The following NOTCH1 variants were observed in gnomAD, a reference collection of about 807,000 sequenced individuals.
NOTCH1 encodes the protein notch receptor 1, also known as neurogenic locus notch homolog protein 1.
In NOTCH1, 37 loss-of-function variants were observed where a neutral mutation model predicts 254.8. The ratio of observed to expected loss-of-function variants is 0.15; its 90% CI spans 0.11 to 0.19. NOTCH1 has a LOEUF of 0.19. Among genes scored for constraint, NOTCH1 ranks in the 10% least tolerant of loss-of-function variants. NOTCH1 has a pLI of 1.00. For synonymous variants in NOTCH1, 1,731 were observed against 1,618.1 expected, an observed-to-expected ratio of 1.07 and a Z score of -1.68; for missense variants, 2,972 against 3,708.6, an observed-to-expected ratio of 0.80 and a Z score of 5.16.
At chr9:136,509,144 G>A (rs981496767) in intron 18 of NOTCH1, 73 bp from the exon 19 acceptor site, 39 of 1,372,600 alleles carry the variant, frequency 2.8e-5, no homozygotes, top group Non-Finnish European at 3.8e-5. Flanking sequence ...ATTCTGCCTC[G>A]CCAGCACCTC....
rs2229970 is a variant in NOTCH1 at position 136,514,512 on chromosome 9, G to A, written c.2205C>T (p.Asn735=). 3.1e-3 allele frequency: 4,937 copies of A among 1,577,522 alleles called. 119 individuals are homozygous for A. In the African/African-American group the frequency reaches 0.058, roughly 18 times the overall value. Residue 735 remains asparagine (N), a splice_region_variant and synonymous_variant, in exon 13 of 34, where the codon AAC becomes AAT. Transcript: ENST00000651671. The part of the protein sequence containing the change: ...CVHGACRDSL[N]GYKCDCDPGW... ...CCATGATCGGCCCCGCCGCATACCC[G>A]TTGAGGCTGTCCCGGCAGGCCCCGT...
chr9:136,515,147 C>A (rs910600853), intron 12 of NOTCH1, 143 bp downstream of exon 12: 2 of 758,174 alleles, frequency 2.6e-6, no homozygotes, highest in Admixed American at 4.0e-5. Context: ...CCTGGTCCCG[C>A]TGCAATCTCT....
In NOTCH1 at chr9:136,513,449, C is replaced by T. The variant is rs768836936; in HGVS notation, c.2296G>A (p.Gly766Ser). 16 of 1,613,170 alleles carry T rather than the reference C, an allele frequency of 9.9e-6. No homozygotes were observed. Among genetic ancestry groups the T allele is most frequent in the South Asian group, 8.8e-5 (8 of 91,088 alleles). ...ECESNPCVNG[G>S]TCKDMTSGYV... is the part of the protein sequence containing the mutation. ...CCACTGGTCATGTCTTTGCAGGTGCCGCCGTTGACACAAGGGTTGGATTCA... is the reference window on the plus strand; with the variant it reads ...CCACTGGTCATGTCTTTGCAGGTGCTGCCGTTGACACAAGGGTTGGATTCA... The change falls in exon 14 of 34, where the codon GGC becomes AGC. Residue 766 changes from glycine (G) to serine (S), a missense_variant. Transcript: ENST00000651671. This position sits in a 1 kb window ranked among gnomAD's most constrained non-coding sequence, Gnocchi z 4.7.
chr9:136,514,201 G>A (rs978747105), intron 13 of NOTCH1, among the ~76,000 whole-genome samples: 2 of 152,196 alleles, frequency 1.3e-5, no homozygotes, highest in Non-Finnish European at 2.9e-5. Context: ...GTGCTGCCAG[G>A]CACATCATGG....
chr9:136,497,614 C>T, intron 33 of NOTCH1, 56 bp from the exon 34 acceptor site: 2 of 1,445,412 alleles, frequency 1.4e-6, no homozygotes, highest in Admixed American at 2.1e-5. Flanking sequence ...TGGGGACCCT[C>T]CCCAAGGTTC....
At chr9:136,520,780 C>A (rs1334595044) in intron 4 of NOTCH1, among the ~76,000 whole-genome samples, 1 of 152,034 alleles carries the variant, frequency 6.6e-6, no homozygotes. Context: ...CCCGGTCCCA[C>A]TCATGTGTGG....
At chr9:136,535,826 T>G (rs1589080162) in intron 2 of NOTCH1, among the ~76,000 whole-genome samples, 4 of 86,502 alleles carry the variant, frequency 4.6e-5, no homozygotes, top group African/African-American at 9.0e-5. Flanking sequence ...GGGTGCAGGG[T>G]GGGTGGAGGG....
Position 136,494,499 on chromosome 9 carries a change from ACAT to A in NOTCH1, c.*1569_*1571del, listed in dbSNP as rs1463356005. The A allele has an allele frequency of 2.5e-6, 1 of 398,946 alleles. No individual in the cohort carries two copies. Among genetic ancestry groups the A allele is most frequent in the Non-Finnish European group, 4.4e-6 (1 of 226,078 alleles). The allele number at this position is 398,946 out of a possible 1,614,324, so 24.7% of individuals were successfully genotyped here. A position where few individuals can be genotyped will look rare whatever the true frequency, so the allele number is the denominator to read the frequency against. ...AGTTAACAAAAAAGATGAAAAAAAT[ACAT>A]CATCTACAGTTCCTCATGTAGATCA... On this transcript the variant is annotated 3_prime_UTR_variant, in exon 34 of 34. Coordinates refer to ENST00000651671, the MANE Select transcript of NOTCH1 (RefSeq NM_017617.5).
chr9:136,525,474 G>A (rs1006579550), intron 2 of NOTCH1, among the ~76,000 whole-genome samples: 2 of 152,238 alleles, frequency 1.3e-5, no homozygotes, highest in Admixed American at 6.5e-5. Flanking sequence ...CAGCCTCAGC[G>A]GCCCCAGCGG....
rs1240954845 is a variant in NOTCH1, at chr9:136,509,773, C to T, written c.2929G>A (p.Gly977Arg). ...GGCGTGTTGTTCTCACAGTGGATCC[C>T]GCTGAAGCCTGCGGGGCAGGTGCAC... ...YTCTCPAGFS[G>R]IHCENNTPDC... The change falls in exon 18 of 34, where the codon GGG becomes AGG. Residue 977 changes from glycine to arginine, a missense_variant. Physicochemically the swap from Gly to Arg is moderately radical, Grantham distance 125 (BLOSUM62 -2). Around this residue, in one of 8 missense-constraint regions of NOTCH1, gnomAD observed 1,343 missense variants for 1,557.0 expected, o/e 0.86. Coordinates refer to ENST00000651671, the MANE Select transcript of NOTCH1 (RefSeq NM_017617.5). The T allele has an allele frequency of 2.5e-6, 4 of 1,613,100 alleles. No individual in the cohort carries two copies. The highest frequency in any genetic ancestry group is 1.1e-5 in the South Asian group (1 of 91,086).
chr9:136,510,272 GC>G (rs1402076512), intron 17 of NOTCH1, among the ~76,000 whole-genome samples: 1 of 152,186 alleles, frequency 6.6e-6, no homozygotes, highest in Non-Finnish European at 1.5e-5. Flanking sequence ...GCCAGGTGAT[GC>G]CAGCAAGACC....
In NOTCH1 at chr9:136,540,964, C is replaced by A. The variant is rs542153860; in HGVS notation, c.140+3060G>T. Among the ~76,000 whole-genome samples, 1 of 152,316 alleles carries A rather than the reference C, an allele frequency of 6.6e-6. No homozygotes were observed. Among genetic ancestry groups the A allele is most frequent in the South Asian group, 2.1e-4 (1 of 4,820 alleles). ...CAGATAGGGTCCCTGCAGCTCTTCC[C>A]AGCTCTCCTCAAAACAAAGAGAAAA... On this transcript the variant is annotated intron_variant, in intron 2 of 33. Transcript: ENST00000651671. The surrounding 1 kb of genome is among the most constrained non-coding windows in gnomAD (Gnocchi z 4.4).
Position 136,495,883 on chromosome 9 carries a change from A to G in NOTCH1, c.*188T>C. On this transcript the variant is annotated 3_prime_UTR_variant, in exon 34 of 34. Transcript: ENST00000651671. ...AGATAAAACAGTACATATAAATAAA[A>G]AGGCAGTGTTTCTGTGTAAAATAAA... 1 of 637,792 alleles carries G rather than the reference A, an allele frequency of 1.6e-6. No individual in the cohort carries two copies. The highest frequency in any genetic ancestry group is 2.6e-6 in the Non-Finnish European group (1 of 387,406). 39.5% of individuals were successfully genotyped at this position (637,792 alleles called of 1,614,324 possible).
At chr9:136,508,791 G>GA in intron 19 of NOTCH1, 79 bp downstream of exon 19, 1 of 1,392,708 alleles carries the variant, frequency 7.2e-7, no homozygotes, top group Non-Finnish European at 9.7e-7. Flanking sequence ...TGGGACCTGG[G>GA]GTGACCGTTC....
intron 2 of NOTCH1, among the ~76,000 whole-genome samples, chr9:136,527,056 C>T (rs1430725223): frequency 6.6e-6 from 1 of 152,188 alleles, no homozygotes; most frequent in East Asian, 1.9e-4. Flanking sequence ...GGAACCGGGC[C>T]GAGCCTGGAG....
intron 2 of NOTCH1, among the ~76,000 whole-genome samples, chr9:136,533,830 G>A (rs1371157007): frequency 6.6e-6 from 1 of 152,264 alleles, no homozygotes; most frequent in Non-Finnish European, 1.5e-5. Context: ...CTGACCGCTT[G>A]GGCTGTGGGG....
At chr9:136,520,172 T>C (rs1451830763) in intron 4 of NOTCH1, among the ~76,000 whole-genome samples, 2 of 152,052 alleles carry the variant, frequency 1.3e-5, no homozygotes, top group Admixed American at 1.3e-4. Flanking sequence ...TAGCTATTAA[T>C]CCACTCAACT....
In NOTCH1 at chr9:136,545,788, C is replaced by T. The variant is rs921361590; in HGVS notation, c.-2G>A. On this transcript the variant is annotated 5_prime_UTR_variant, in exon 1 of 34. Transcript: ENST00000651671. The surrounding 1 kb of genome is among the most constrained non-coding windows in gnomAD (Gnocchi z 6.8). ...CAGGGGCGCCAGGAGCGGCGGCATG[C>T]CTCCCCACCGGCTGCCCTCTGCGCC... The T allele has an allele frequency of 6.0e-6, 8 of 1,330,692 alleles. No homozygotes were observed. The African/African-American group carries it at 1.1e-4, about 18-fold the overall frequency. 82.4% of individuals were successfully genotyped at this position (1,330,692 alleles called of 1,614,324 possible). A position where few individuals can be genotyped will look rare whatever the true frequency, so the allele number is the denominator to read the frequency against.
At position 136,495,506 on chromosome 9, in the gene NOTCH1, G is replaced by C; in HGVS notation, c.*565C>G. On this transcript the variant is annotated 3_prime_UTR_variant, in exon 34 of 34. Transcript: ENST00000651671. ...TTCAGATGCAAATTAATCCGCGTGC[G>C]GAAGGTGAGCCAGCTTTGCCTCCGT... is the stretch of plus-strand genomic sequence containing the variant. 1 of 399,530 alleles carries C rather than the reference G, an allele frequency of 2.5e-6. No homozygotes were observed. Among genetic ancestry groups the C allele is most frequent in the Non-Finnish European group, 4.4e-6 (1 of 226,644 alleles). 24.7% of individuals were successfully genotyped at this position (399,530 alleles called of 1,614,324 possible). A position where few individuals can be genotyped will look rare whatever the true frequency, so the allele number is the denominator to read the frequency against.
Sources: gnomAD v4.1 joint callset for allele counts (sites outside exome capture counted in the v4.1 genomes callset) on GRCh38, gnomAD v4.1.1 for gene constraint, gnomAD v4.1.1 regional missense constraint, Gnocchi (gnomAD v3.1) non-coding constraint, MANE v1.5 for transcripts, NCBI Gene and HGNC (gene_info 2026-07-23, HGNC 2026-07-21) for gene names.